The following PCDH15 variants were observed in gnomAD, a reference collection of about 807,000 sequenced individuals.
PCDH15 encodes protocadherin-15.
A neutral mutation model predicts 178.5 loss-of-function variants in PCDH15; 129 were observed. The ratio of observed to expected loss-of-function variants is 0.72; its 90% CI spans 0.63 to 0.84. The LOEUF (loss-of-function observed/expected upper bound fraction) is 0.84. PCDH15 is among the 40% of genes least tolerant of loss of function. The probability of loss-of-function intolerance (pLI) is 0.00; values close to 1 mark genes in which losing one functional copy is unlikely to be tolerated. For missense variants in PCDH15, 2,230 were observed against 2,099.9 expected, an observed-to-expected ratio of 1.06 and a Z score of -1.21; for synonymous variants, 800 against 732.0, an observed-to-expected ratio of 1.09 and a Z score of -1.50.
intron 2 of PCDH15, among the ~76,000 whole-genome samples, chr10:55,098,219 G>A (rs1278854427): frequency 2.0e-5 from 3 of 152,104 alleles, no homozygotes; most frequent in African/African-American, 7.2e-5. Flanking sequence ...CTCATTTCCA[G>A]ACGAGGAAAT....
intron 1 of PCDH15, among the ~76,000 whole-genome samples, chr10:54,682,840 A>G (rs955942526): frequency 1.2e-4 from 18 of 152,148 alleles, no homozygotes; most frequent in African/African-American, 4.3e-4. Flanking sequence ...CTTCTCTGTT[A>G]ACCCATAAGA....
At chr10:54,383,023 TA>T in intron 3 of PCDH15, among the ~76,000 whole-genome samples, 1 of 152,022 alleles carries the variant, frequency 6.6e-6, no homozygotes, top group Non-Finnish European at 1.5e-5. Flanking sequence ...GAGAAAACAA[TA>T]AAAATGAATG....
chr10:53,952,619 G>C (rs2087178378), intron 23 of PCDH15, among the ~76,000 whole-genome samples: 1 of 152,200 alleles, frequency 6.6e-6, no homozygotes, highest in East Asian at 1.9e-4. Context: ...CAGCCTTCAG[G>C]CAATCCTTGG....
At chr10:54,622,635 T>TTTTTTC (rs2093402447) in intron 2 of PCDH15, among the ~76,000 whole-genome samples, 1 of 40,194 alleles carries the variant, frequency 2.5e-5, no homozygotes, top group African/African-American at 1.1e-4. Context: ...ATAATATATA[T>TTTTTTC]TATATAATTA....
At chr10:53,959,384 T>G (rs975514884) in intron 23 of PCDH15, among the ~76,000 whole-genome samples, 5 of 151,892 alleles carry the variant, frequency 3.3e-5, no homozygotes, top group South Asian at 4.1e-4. Context: ...AATTGGAAAT[T>G]GAATGAAATG....
intron 2 of PCDH15, among the ~76,000 whole-genome samples, chr10:55,082,408 A>G (rs1842064425): frequency 6.6e-6 from 1 of 152,094 alleles, no homozygotes; most frequent in South Asian, 2.1e-4. Flanking sequence ...GATACAACAA[A>G]CACAATACTA....
At chr10:55,384,195 G>A (rs1390819596) in intron 2 of PCDH15, among the ~76,000 whole-genome samples, 1 of 152,074 alleles carries the variant, frequency 6.6e-6, no homozygotes, top group Non-Finnish European at 1.5e-5. Flanking sequence ...ACTCCTGAAT[G>A]TTCCTTTTGG....
At chr10:55,225,717 A>C (rs1841015818) in intron 1 of PCDH15, among the ~76,000 whole-genome samples, 1 of 151,814 alleles carries the variant, frequency 6.6e-6, no homozygotes, top group Non-Finnish European at 1.5e-5. Context: ...AGGATTAATT[A>C]ACTATGAGTG....
chr10:55,613,084 C>T (rs1564483606), intron 2 of PCDH15, among the ~76,000 whole-genome samples: 2 of 138,260 alleles, frequency 1.4e-5, no homozygotes, highest in Non-Finnish European at 3.0e-5. Flanking sequence ...AGTGCAGTGG[C>T]ACAATCTCGG....
intron 14 of PCDH15, among the ~76,000 whole-genome samples, chr10:54,148,719 C>T (rs1478781124): frequency 6.6e-6 from 1 of 151,938 alleles, no homozygotes; most frequent in Non-Finnish European, 1.5e-5. Context: ...TCACCTTAAG[C>T]AAAACCCTGG....
intron 18 of PCDH15, among the ~76,000 whole-genome samples, chr10:54,058,620 C>T (rs150205988): frequency 6.6e-5 from 10 of 152,028 alleles, no homozygotes; most frequent in African/African-American, 2.2e-4. Context: ...GGTCATATCC[C>T]CAAACCATAT....
At chr10:54,566,158 T>C (rs1376825506) in intron 2 of PCDH15, among the ~76,000 whole-genome samples, 7 of 152,194 alleles carry the variant, frequency 4.6e-5, no homozygotes, top group Non-Finnish European at 8.8e-5. Flanking sequence ...ATTTGTGGTA[T>C]AATTTTTTGT....
intron 2 of PCDH15, among the ~76,000 whole-genome samples, chr10:54,973,045 T>C (rs555283004): frequency 2.6e-5 from 4 of 151,846 alleles, no homozygotes; most frequent in Non-Finnish European, 5.9e-5. Flanking sequence ...TGTGGCCACA[T>C]GGAAATGGTT....
intron 2 of PCDH15, among the ~76,000 whole-genome samples, chr10:54,609,340 T>C (rs919035084): frequency 2.0e-5 from 3 of 152,082 alleles, no homozygotes; most frequent in African/African-American, 7.2e-5. Context: ...GAATGTTTCT[T>C]AGGAAAAAAT....
intron 2 of PCDH15, chr10:54,607,934 T>C: frequency 2.0e-6 from 1 of 510,268 alleles, no homozygotes; most frequent in Non-Finnish European, 3.9e-6. Context: ...TCAAAAACTG[T>C]GATTACTTTT....
intron 3 of PCDH15, among the ~76,000 whole-genome samples, chr10:54,439,878 A>G (rs534271129): frequency 6.6e-6 from 1 of 152,156 alleles, no homozygotes; most frequent in East Asian, 1.9e-4. Flanking sequence ...TGTAGTGACT[A>G]TTTGAACATT....
intron 5 of PCDH15, among the ~76,000 whole-genome samples, chr10:54,366,823 C>T (rs999510601): frequency 6.6e-6 from 1 of 151,270 alleles, no homozygotes; most frequent in Non-Finnish European, 1.5e-5. Flanking sequence ...GAAGATATGA[C>T]CATAGTGTCA....
At chr10:55,622,096 G>T (rs1444281030) in intron 2 of PCDH15, among the ~76,000 whole-genome samples, 6 of 93,004 alleles carry the variant, frequency 6.5e-5, no homozygotes, top group South Asian at 6.2e-4. Flanking sequence ...TATATATAAT[G>T]TATATATATT....
intron 1 of PCDH15, among the ~76,000 whole-genome samples, chr10:54,752,506 CAAAAAACAAACAAACAAACAAACAAAAAA>C (rs1946445825): frequency 1.5e-4 from 8 of 53,236 alleles, no homozygotes; most frequent in Non-Finnish European, 1.7e-4. Context: ...AAACAAAAAA[CAAAAAACAAACAAACAAACAAACAAAAAA>C]AAACAATAAA....
Sources: gnomAD v4.1 joint callset for allele counts (sites outside exome capture counted in the v4.1 genomes callset) on GRCh38, gnomAD v4.1.1 for gene constraint, MANE v1.5 for transcripts, NCBI Gene and HGNC (gene_info 2026-07-23, HGNC 2026-07-21) for gene names.